Variants in INPP5A observed in about 807,000 individuals in gnomAD.
INPP5A encodes inositol polyphosphate-5-phosphatase A.
Under a neutral mutation model 65.2 loss-of-function variants are expected in INPP5A, and 14 were observed. That is an observed-to-expected ratio of 0.21 (90% CI 0.14 to 0.34). The LOEUF (loss-of-function observed/expected upper bound fraction) is 0.34. Among genes scored for constraint, INPP5A ranks in the 10% least tolerant of loss-of-function variants. The probability of loss-of-function intolerance (pLI) is 1.00; values close to 1 mark genes in which losing one functional copy is unlikely to be tolerated. For missense variants in INPP5A, 431 were observed against 545.6 expected, an observed-to-expected ratio of 0.79 and a Z score of 2.09; for synonymous variants, 207 against 208.3, an observed-to-expected ratio of 0.99 and a Z score of 0.05.
chr10:132,616,324 G>A lies in INPP5A; in HGVS notation c.117+8368G>A, dbSNP rs1282178836. ...AGATGTGCAGTGTGGGGCATGTGGC[G>A]TGCAGGGACGCCGTGGGCGTGGTGT... On this transcript the variant is annotated intron_variant, in intron 2 of 15. Transcript: ENST00000368594. The surrounding 1 kb of genome is among the most constrained non-coding windows in gnomAD (Gnocchi z 4.9). 1.3e-5 allele frequency among the ~76,000 whole-genome samples: 2 copies of A among 152,222 alleles called. No homozygotes were observed. Among genetic ancestry groups the A allele is most frequent in the Non-Finnish European group, 2.9e-5 (2 of 68,028 alleles).
intron 11 of INPP5A, among the ~76,000 whole-genome samples, chr10:132,751,247 C>T (rs141275446): frequency 1.6e-4 from 24 of 152,358 alleles, no homozygotes; most frequent in Middle Eastern, 3.4e-3. Flanking sequence ...CTCCTGTGCC[C>T]GTCCCTGTCA....
intron 1 of INPP5A, among the ~76,000 whole-genome samples, chr10:132,564,330 A>G (rs908594213): frequency 4.6e-5 from 7 of 151,950 alleles, no homozygotes; most frequent in Admixed American, 6.6e-5. Context: ...TTCTCCCTCC[A>G]CCCCGATTCA....
At chr10:132,612,380 A>G (rs900272553) in intron 2 of INPP5A, among the ~76,000 whole-genome samples, 4 of 150,280 alleles carry the variant, frequency 2.7e-5, no homozygotes, top group Non-Finnish European at 5.9e-5. Flanking sequence ...TCTCTTTCCC[A>G]TTTTCTGTCC....
intron 8 of INPP5A, among the ~76,000 whole-genome samples, chr10:132,712,291 T>C (rs1262568319): frequency 2.0e-5 from 3 of 152,114 alleles, no homozygotes; most frequent in East Asian, 1.9e-4. Context: ...TGCACATGCA[T>C]GTGAGTGTAT....
At chr10:132,754,460 G>A (rs1205773341) in intron 11 of INPP5A, among the ~76,000 whole-genome samples, 1 of 152,210 alleles carries the variant, frequency 6.6e-6, no homozygotes, top group Non-Finnish European at 1.5e-5. Context: ...TGGTCAGTGT[G>A]TGGGGGCGAG....
chr10:132,703,987 C>CCA (rs1163888861), intron 6 of INPP5A, among the ~76,000 whole-genome samples: 2 of 141,224 alleles, frequency 1.4e-5, no homozygotes, highest in East Asian at 2.1e-4. Context: ...CAAGCTTCAC[C>CCA]CACACACACA....
Position 132,666,459 on chromosome 10 carries a change from A to G in INPP5A, c.306+15954A>G, listed in dbSNP as rs549165487. On this transcript the variant is annotated intron_variant, in intron 4 of 15. Coordinates refer to ENST00000368594, the MANE Select transcript of INPP5A (RefSeq NM_005539.5). The stretch of plus-strand genomic sequence containing the variant: ...CCTGTATGGAAAAGGTGGAATTTAG[A>G]CAGTTAAAGTATTAAAGTATACATC... Among the ~76,000 whole-genome samples the G allele has an allele frequency of 2.0e-5, 3 of 152,292 alleles. No individual in the cohort carries two copies. In the South Asian group the frequency reaches 6.2e-4, roughly 32 times the overall value.
chr10:132,665,113 C>T (rs911175432), intron 4 of INPP5A, among the ~76,000 whole-genome samples: 1 of 152,246 alleles, frequency 6.6e-6, no homozygotes, highest in South Asian at 2.1e-4. Flanking sequence ...CTGAAGGAAA[C>T]GAAGCTGGAG....
At position 132,588,012 on chromosome 10, in the gene INPP5A, C is replaced by CAAA. The variant is rs796469034; in HGVS notation, c.76-19884_76-19882dup. Reference sequence around the variant, plus strand: ...GGGCAACAAGAGTAAAACTCCATCTCAAAAAAAAAAAAAAAAAAAAAGGAT... The same window carrying CAAA: ...GGGCAACAAGAGTAAAACTCCATCTCAAAAAAAAAAAAAAAAAAAAAAAAGGAT... On this transcript the variant is annotated intron_variant, in intron 1 of 15. Coordinates refer to ENST00000368594, the MANE Select transcript of INPP5A (RefSeq NM_005539.5). 1.4e-4 allele frequency among the ~76,000 whole-genome samples: 8 copies of CAAA among 55,892 alleles called. 2 individuals carry two copies. The highest frequency in any genetic ancestry group is 1.1e-3 in the East Asian group (2 of 1,858). 36.7% of individuals were successfully genotyped at this position (55,892 alleles called of 152,430 possible). A position where few individuals can be genotyped will look rare whatever the true frequency, so the allele number is the denominator to read the frequency against.
At position 132,697,128 on chromosome 10, in the gene INPP5A, A is replaced by G. The variant is rs1845357331; in HGVS notation, c.371-688A>G. Among the ~76,000 whole-genome samples the G allele has an allele frequency of 5.3e-5, 8 of 152,176 alleles. No individual in the cohort carries two copies. Among genetic ancestry groups the G allele is most frequent in the Admixed American group, 5.2e-4 (8 of 15,286 alleles). ...GCATCTTGCAAAGAGGCCAGCAGCC[A>G]CCTGCCCACTGGACCCAGCAGGAGT... On this transcript the variant is annotated intron_variant, in intron 5 of 15. Coordinates refer to ENST00000368594, the MANE Select transcript of INPP5A (RefSeq NM_005539.5). The surrounding 1 kb of genome is among the most constrained non-coding windows in gnomAD (Gnocchi z 5.6).
At chr10:132,597,648 C>T (rs770362605) in intron 1 of INPP5A, among the ~76,000 whole-genome samples, 7 of 152,184 alleles carry the variant, frequency 4.6e-5, no homozygotes, top group Non-Finnish European at 8.8e-5. Context: ...GTGCATTGCA[C>T]GTGTCTGCTT....
chr10:132,689,679 A>G (rs1845223121), intron 4 of INPP5A, among the ~76,000 whole-genome samples: 1 of 152,258 alleles, frequency 6.6e-6, no homozygotes, highest in Non-Finnish European at 1.5e-5. Context: ...ATGTAGACAC[A>G]GGTTCATCTG....
intron 4 of INPP5A, among the ~76,000 whole-genome samples, chr10:132,687,879 C>T (rs1244846324): frequency 2.0e-5 from 3 of 152,258 alleles, no homozygotes; most frequent in Non-Finnish European, 4.4e-5. Context: ...GGCGTCGGTG[C>T]ACAGGACTCA....
chr10:132,583,281 A>G (rs372580574), intron 1 of INPP5A, among the ~76,000 whole-genome samples: 2 of 152,208 alleles, frequency 1.3e-5, no homozygotes, highest in African/African-American at 2.4e-5. Flanking sequence ...CTCGTGTCCT[A>G]TGGCCCCTCT....
intron 5 of INPP5A, among the ~76,000 whole-genome samples, 158 bp downstream of exon 5, chr10:132,690,613 C>G (rs1375145808): frequency 6.6e-6 from 1 of 152,136 alleles, no homozygotes; most frequent in East Asian, 1.9e-4. Context: ...CCTCCTGGAC[C>G]TGGACTCGAG....
rs1010965506 is a variant in INPP5A at position 132,644,136 on chromosome 10, C to T, written c.118-1732C>T. Reference sequence around the variant, plus strand: ...AGGGACAGCTGGCCCTTGGGAACCACGTTGGGCCGTCTGTTAGGGAGAAGT... The same window carrying T: ...AGGGACAGCTGGCCCTTGGGAACCATGTTGGGCCGTCTGTTAGGGAGAAGT... On this transcript the variant is annotated intron_variant, in intron 2 of 15. Coordinates refer to ENST00000368594, the MANE Select transcript of INPP5A (RefSeq NM_005539.5). The surrounding 1 kb of genome is among the most constrained non-coding windows in gnomAD (Gnocchi z 6.5). Among the ~76,000 whole-genome samples, 1 of 152,188 alleles carries T rather than the reference C, an allele frequency of 6.6e-6. No homozygotes were observed. Among genetic ancestry groups the T allele is most frequent in the Admixed American group, 6.5e-5 (1 of 15,284 alleles).
At chr10:132,720,238 A>G (rs1376556102) in intron 8 of INPP5A, among the ~76,000 whole-genome samples, 2 of 148,630 alleles carry the variant, frequency 1.3e-5, no homozygotes, top group Admixed American at 1.3e-4. Flanking sequence ...GGCACCTTAG[A>G]CGGCTGTCTT....
intron 2 of INPP5A, among the ~76,000 whole-genome samples, chr10:132,628,065 A>G (rs945942): frequency 0.015 from 2,273 of 152,332 alleles, 31 homozygotes; most frequent in South Asian, 0.039. Flanking sequence ...AAGAGCAACC[A>G]TTAGATTAGG....
intron 8 of INPP5A, among the ~76,000 whole-genome samples, chr10:132,723,467 A>ATTGGCCG (rs1564984321): frequency 1.7e-5 from 2 of 120,724 alleles, no homozygotes; most frequent in African/African-American, 3.4e-5. Flanking sequence ...GGGATTGGCC[A>ATTGGCCG]TGTGGGGATT....
Sources: gnomAD v4.1 joint callset for allele counts (sites outside exome capture counted in the v4.1 genomes callset) on GRCh38, gnomAD v4.1.1 for gene constraint, Gnocchi (gnomAD v3.1) non-coding constraint, MANE v1.5 for transcripts, NCBI Gene and HGNC (gene_info 2026-07-23, HGNC 2026-07-21) for gene names.